SIPA1L2: variants seen among roughly 807,000 people sequenced by gnomAD.
SIPA1L2 encodes signal induced proliferation associated 1 like 2, also known as signal-induced proliferation-associated 1-like protein 2.
A neutral mutation model predicts 163.9 loss-of-function variants in SIPA1L2; 56 were observed. The observed-to-expected ratio is 0.34, with a 90% CI of 0.28 to 0.43. The LOEUF (loss-of-function observed/expected upper bound fraction) is 0.43, where lower values mean the gene tolerates loss of function less well. SIPA1L2 is among the 20% of genes least tolerant of loss of function. The pLI is 1.00. For missense variants in SIPA1L2, 1,974 were observed against 2,193.5 expected, an observed-to-expected ratio of 0.90 and a Z score of 2.00; for synonymous variants, 877 against 865.7, an observed-to-expected ratio of 1.01 and a Z score of -0.23.
intron 1 of SIPA1L2, among the ~76,000 whole-genome samples, chr1:232,622,216 A>G (rs1354813949): frequency 1.3e-5 from 2 of 152,228 alleles, no homozygotes; most frequent in African/African-American, 2.4e-5. Context: ...CTCTAATGTC[A>G]TATTATAAGA....
chr1:232,522,466 A>T (rs190902602), intron 2 of SIPA1L2, among the ~76,000 whole-genome samples: 6 of 149,366 alleles, frequency 4.0e-5, no homozygotes, highest in Non-Finnish European at 7.4e-5. Flanking sequence ...TCAAACCTTA[A>T]GGTTGGGTCT....
At chr1:232,560,307 A>G (rs1477208647) in intron 2 of SIPA1L2, among the ~76,000 whole-genome samples, 1 of 152,238 alleles carries the variant, frequency 6.6e-6, no homozygotes, top group Non-Finnish European at 1.5e-5. Context: ...CATTAGTAAG[A>G]AATCAGTAGT....
chr1:232,520,314 G>C (rs1393701320), intron 2 of SIPA1L2, among the ~76,000 whole-genome samples: 1 of 152,218 alleles, frequency 6.6e-6, no homozygotes, highest in Non-Finnish European at 1.5e-5. Flanking sequence ...AACCCCACAG[G>C]TAGTGGGGTG....
chr1:232,480,818 TAATCTAAA>T (rs1665310941), intron 6 of SIPA1L2, among the ~76,000 whole-genome samples: 1 of 152,236 alleles, frequency 6.6e-6, no homozygotes, highest in Non-Finnish European at 1.5e-5. Flanking sequence ...AATCTTTTTT[TAATCTAAA>T]AATCTAAATT....
Position 232,462,226 on chromosome 1 carries a change from T to A in SIPA1L2, c.2821-1065A>T, listed in dbSNP as rs751282324. The A allele has an allele frequency of 3.2e-6, 5 of 1,550,864 alleles. No individual in the cohort carries two copies. The East Asian group carries it at 1.2e-4, about 38-fold the overall frequency. ...GTTTACATCCAATGAAAGAAAAACA[T>A]GGGCTCATTAAGTATCACCCGATGA... On this transcript the variant is annotated intron_variant, in intron 9 of 22. Transcript: ENST00000674635.
chr1:232,421,335 A>G (rs1322196889), intron 18 of SIPA1L2, among the ~76,000 whole-genome samples: 1 of 152,092 alleles, frequency 6.6e-6, no homozygotes, highest in Non-Finnish European at 1.5e-5. Flanking sequence ...AGCGACATTG[A>G]TCTTGTGGCT....
chr1:232,451,707 T>A (rs2102890978), intron 10 of SIPA1L2, among the ~76,000 whole-genome samples: 1 of 152,256 alleles, frequency 6.6e-6, no homozygotes, highest in South Asian at 2.1e-4. Flanking sequence ...GCACATTCTT[T>A]ACAGTTTGCT....
chr1:232,563,098 C>T (rs1263839418), intron 2 of SIPA1L2, among the ~76,000 whole-genome samples: 1 of 152,174 alleles, frequency 6.6e-6, no homozygotes, highest in Non-Finnish European at 1.5e-5. Context: ...CCTTGTCAGA[C>T]AGACTACAGC....
At chr1:232,410,574 C>T (rs1660893176) in intron 19 of SIPA1L2, among the ~76,000 whole-genome samples, 1 of 150,050 alleles carries the variant, frequency 6.7e-6, no homozygotes, top group African/African-American at 2.4e-5. Flanking sequence ...GCAAGGGCAT[C>T]ATTACTCTTT....
intron 2 of SIPA1L2, among the ~76,000 whole-genome samples, chr1:232,528,484 C>A (rs1667826715): frequency 6.6e-6 from 1 of 152,080 alleles, no homozygotes; most frequent in Non-Finnish European, 1.5e-5. Context: ...TTCAAAAGAA[C>A]CCAACCTAAC....
At chr1:232,427,552 TA>T (rs1164609132) in intron 17 of SIPA1L2, among the ~76,000 whole-genome samples, 1 of 152,208 alleles carries the variant, frequency 6.6e-6, no homozygotes. Context: ...ACCAAATATT[TA>T]TGAAGAGCTC....
intron 1 of SIPA1L2, among the ~76,000 whole-genome samples, chr1:232,592,531 A>G (rs1322233552): frequency 6.6e-6 from 1 of 152,236 alleles, no homozygotes; most frequent in Non-Finnish European, 1.5e-5. Context: ...ATGTGAAAAT[A>G]AAATAAAAAA....
intron 1 of SIPA1L2, among the ~76,000 whole-genome samples, chr1:232,576,369 G>A (rs73097632): frequency 0.025 from 3,758 of 152,274 alleles, 161 homozygotes; most frequent in African/African-American, 0.084. Flanking sequence ...TGTGATCAGC[G>A]ATCTTGGATG....
chr1:232,569,839 T>C (rs1659617093), intron 2 of SIPA1L2, among the ~76,000 whole-genome samples: 1 of 152,030 alleles, frequency 6.6e-6, no homozygotes, highest in Non-Finnish European at 1.5e-5. Context: ...CAAAGATAAA[T>C]TACGGATCCT....
At chr1:232,467,314 T>C (rs1664574100) in intron 8 of SIPA1L2, among the ~76,000 whole-genome samples, 1 of 152,132 alleles carries the variant, frequency 6.6e-6, no homozygotes, top group Non-Finnish European at 1.5e-5. Flanking sequence ...AGAGGGTATG[T>C]GTGTGTGGGA....
rs926753085 is a variant in SIPA1L2, at chr1:232,439,405, C to T, written c.3734G>A (p.Gly1245Asp). 5 of 1,614,054 alleles carry T rather than the reference C, an allele frequency of 3.1e-6. No individual in the cohort carries two copies. In the African/African-American group the frequency reaches 6.7e-5, roughly 22 times the overall value. Residue 1245 changes from glycine to aspartate, a missense_variant, in exon 15 of 23, where the codon GGC becomes GAC. Gly to Asp is a moderately conservative substitution (Grantham distance 94, BLOSUM62 -1). Coordinates refer to ENST00000674635, the MANE Select transcript of SIPA1L2 (RefSeq NM_020808.5). The stretch of plus-strand genomic sequence containing the variant: ...CAGTAATTCGGGGTCCATCAGGTCG[C>T]CAGACCCAAAGTGCTTGTCGTCACT... ...SNSDDKHFGS[G>D]DLMDPELLGL...
intron 10 of SIPA1L2, among the ~76,000 whole-genome samples, chr1:232,458,260 G>A (rs1664041166): frequency 6.6e-6 from 1 of 152,214 alleles, no homozygotes; most frequent in Admixed American, 6.5e-5. Flanking sequence ...GCTCCATTAA[G>A]AGAATTTGCA....
At chr1:232,459,569 G>C (rs948452380) in intron 10 of SIPA1L2, among the ~76,000 whole-genome samples, 1 of 152,110 alleles carries the variant, frequency 6.6e-6, no homozygotes, top group Non-Finnish European at 1.5e-5. Context: ...CTGGCGTACA[G>C]AGGCACGATC....
intron 18 of SIPA1L2, among the ~76,000 whole-genome samples, chr1:232,417,736 T>C (rs191958114): frequency 6.6e-6 from 1 of 152,350 alleles, no homozygotes; most frequent in East Asian, 1.9e-4. Context: ...CTTCTCTCTC[T>C]GCAACTCATA....
Sources: gnomAD v4.1 joint callset for allele counts (sites outside exome capture counted in the v4.1 genomes callset) on GRCh38, gnomAD v4.1.1 for gene constraint, MANE v1.5 for transcripts, NCBI Gene and HGNC (gene_info 2026-07-23, HGNC 2026-07-21) for gene names.